DAPK1: variants seen among roughly 807,000 people sequenced by gnomAD.
The protein encoded by DAPK1 is death-associated protein kinase 1.
DAPK1 carries 56 observed loss-of-function variants against 144.9 expected under a neutral mutation model. The ratio of observed to expected loss-of-function variants is 0.39; its 90% CI spans 0.31 to 0.48. DAPK1 has a LOEUF of 0.48. Among genes scored for constraint, DAPK1 ranks in the 20% least tolerant of loss-of-function variants. The pLI is 0.95. For missense variants in DAPK1, 1,454 were observed against 1,875.4 expected, an observed-to-expected ratio of 0.78 and a Z score of 4.15; for synonymous variants, 690 against 749.0, an observed-to-expected ratio of 0.92 and a Z score of 1.29.
chr9:87,680,909 A>C (rs1032523175), intron 19 of DAPK1, among the ~76,000 whole-genome samples: 1 of 152,154 alleles, frequency 6.6e-6, no homozygotes, highest in Non-Finnish European at 1.5e-5. Flanking sequence ...AAAGCCTCTG[A>C]ATTTCACAGT....
intron 2 of DAPK1, among the ~76,000 whole-genome samples, chr9:87,510,767 C>G (rs767263386): frequency 6.6e-6 from 1 of 152,202 alleles, no homozygotes; most frequent in Admixed American, 6.5e-5. Context: ...ACCCAAATCC[C>G]TGTCTCCACA....
intron 1 of DAPK1, 53 bp from the exon 2 acceptor site, chr9:87,498,917 C>T (rs1824291326): frequency 5.1e-6 from 3 of 592,500 alleles, no homozygotes. Context: ...GGTCTACTTC[C>T]TTTTGGGGTT....
intron 2 of DAPK1, among the ~76,000 whole-genome samples, chr9:87,538,874 G>T (rs1053461213): frequency 4.0e-5 from 6 of 151,636 alleles, no homozygotes; most frequent in African/African-American, 1.5e-4. Flanking sequence ...TGTGTCATTG[G>T]CTGTGATGAA....
At chr9:87,685,128 C>T (rs1824790316) in intron 20 of DAPK1, among the ~76,000 whole-genome samples, 1 of 152,194 alleles carries the variant, frequency 6.6e-6, no homozygotes, top group Non-Finnish European at 1.5e-5. Context: ...GACATCAAGA[C>T]TTACATCATT....
chr9:87,524,051 A>G (rs764592372), intron 2 of DAPK1, among the ~76,000 whole-genome samples: 3 of 152,238 alleles, frequency 2.0e-5, no homozygotes, highest in Non-Finnish European at 4.4e-5. Flanking sequence ...AGCGAGGTGG[A>G]TGAAACAGGT....
At chr9:87,700,362 A>G (rs561199987) in intron 24 of DAPK1, 125 bp downstream of exon 24, 1 of 706,590 alleles carries the variant, frequency 1.4e-6, no homozygotes, top group Non-Finnish European at 2.5e-6. Flanking sequence ...TCTTTATCCT[A>G]GTGCCCTGGG....
chr9:87,584,590 T>C (rs1316851174), intron 2 of DAPK1, among the ~76,000 whole-genome samples: 1 of 152,160 alleles, frequency 6.6e-6, no homozygotes, highest in Non-Finnish European at 1.5e-5. Context: ...AGGGTTCTCT[T>C]TTCTCCACAT....
At chr9:87,664,949 G>A (rs774781012) in intron 18 of DAPK1, among the ~76,000 whole-genome samples, 7 of 152,260 alleles carry the variant, frequency 4.6e-5, no homozygotes, top group Admixed American at 1.3e-4. Flanking sequence ...GCCATCCACC[G>A]CCCGGGGGCC....
chr9:87,552,331 G>GGGAGGGATATCTGCAGCTGGAA (rs1225037485), intron 2 of DAPK1, among the ~76,000 whole-genome samples: 2 of 152,028 alleles, frequency 1.3e-5, no homozygotes, highest in South Asian at 2.1e-4. Flanking sequence ...AAGAGGACAA[G>GGGAGGGATATCTGCAGCTGGAA]GGAGGGATAT....
chr9:87,661,534 G>A (rs1830847437), intron 18 of DAPK1, among the ~76,000 whole-genome samples: 1 of 152,120 alleles, frequency 6.6e-6, no homozygotes, highest in African/African-American at 2.4e-5. Flanking sequence ...GTGTTAAGGT[G>A]ATACTCATTG....
chr9:87,543,669 G>C (rs1319791981), intron 2 of DAPK1, among the ~76,000 whole-genome samples: 1 of 152,094 alleles, frequency 6.6e-6, no homozygotes, highest in African/African-American at 2.4e-5. Flanking sequence ...ATAAAAACTT[G>C]GGAAAAATGT....
At chr9:87,678,299 C>G (rs1432774715) in intron 19 of DAPK1, among the ~76,000 whole-genome samples, 1 of 152,230 alleles carries the variant, frequency 6.6e-6, no homozygotes, top group Non-Finnish European at 1.5e-5. Flanking sequence ...TAATATAACA[C>G]AGACCTTGTG....
intron 2 of DAPK1, among the ~76,000 whole-genome samples, chr9:87,552,800 TGC>T (rs1826545800): frequency 6.6e-6 from 1 of 151,800 alleles, no homozygotes; most frequent in Admixed American, 6.6e-5. Flanking sequence ...ATGGGGTCTC[TGC>T]GTTGCTCAGG....
rs111790391 is a variant in DAPK1, at chr9:87,499,151, A to G, written c.62+12A>G. On this transcript the variant is annotated intron_variant, in intron 2 of 25. Transcript: ENST00000408954. ...GAGGAACTTGGCAGGTAAAGGGGGTACCAGAAGCGTACCCTCCTGGATTGT... is the reference window on the plus strand; with the variant it reads ...GAGGAACTTGGCAGGTAAAGGGGGTGCCAGAAGCGTACCCTCCTGGATTGT... 5.5e-4 allele frequency: 890 copies of G among 1,611,822 alleles called. 3 individuals are homozygous for G. The African/African-American group carries it at 5.8e-3, about 11-fold the overall frequency.
rs7863881 is a variant in DAPK1, at chr9:87,655,690, C to T, written c.1825-2339C>T. On this transcript the variant is annotated intron_variant, in intron 17 of 25. Transcript: ENST00000408954. ...AAACAGACATTTCTGCATTCTTCCT[C>T]CTTCTCATATGGAAATCAGGAGAGT... is the stretch of plus-strand genomic sequence containing the variant. Among the ~76,000 whole-genome samples the T allele has an allele frequency of 7.1e-3, 1,085 of 152,348 alleles. 8 individuals carry two copies. The highest frequency in any genetic ancestry group is 0.023 in the African/African-American group (972 of 41,582).
At chr9:87,704,581 G>GCTGA (rs1197225043) in intron 25 of DAPK1, among the ~76,000 whole-genome samples, 1 of 152,170 alleles carries the variant, frequency 6.6e-6, no homozygotes, top group African/African-American at 2.4e-5. Context: ...ACTACGTTTA[G>GCTGA]CTGACTGTCT....
At chr9:87,531,261 T>C (rs1339593478) in intron 2 of DAPK1, among the ~76,000 whole-genome samples, 2 of 152,176 alleles carry the variant, frequency 1.3e-5, no homozygotes, top group Non-Finnish European at 2.9e-5. Context: ...CCATACCCGA[T>C]GTTCACTGCC....
intron 3 of DAPK1, among the ~76,000 whole-genome samples, chr9:87,607,552 C>T (rs893260739): frequency 1.3e-5 from 2 of 152,192 alleles, no homozygotes; most frequent in Admixed American, 6.5e-5. Flanking sequence ...GGTGCATTTA[C>T]TCTGTGCCTA....
intron 18 of DAPK1, among the ~76,000 whole-genome samples, chr9:87,662,974 G>A (rs975055716): frequency 6.6e-6 from 1 of 151,996 alleles, no homozygotes; most frequent in Non-Finnish European, 1.5e-5. Flanking sequence ...GGGGCCTCTG[G>A]TCTTCCTGGA....
Sources: allele counts gnomAD v4.1 joint callset (sites outside exome capture counted in the v4.1 genomes callset), GRCh38; gene constraint gnomAD v4.1.1; transcripts MANE v1.5; gene names NCBI Gene and HGNC (gene_info 2026-07-23, HGNC 2026-07-21).